Variants in MRC2 observed in about 807,000 individuals in gnomAD.
MRC2 encodes the protein mannose receptor C-type 2.
A neutral mutation model predicts 206.2 loss-of-function variants in MRC2; 84 were observed. That is an observed-to-expected ratio of 0.41 (90% CI 0.34 to 0.49). MRC2 has a LOEUF of 0.49. MRC2 is among the 20% of genes least tolerant of loss of function. MRC2 has a pLI of 0.31. For missense variants in MRC2, 1,676 were observed against 2,001.5 expected (o/e 0.84, Z 3.10); for synonymous variants, 798 against 800.0 (o/e 1.00, Z 0.04).
rs3764869 is a variant in MRC2 at position 62,667,045 on chromosome 17, C to A, written c.973+175C>A. On this transcript the variant is annotated intron_variant, in intron 5 of 29. Transcript: ENST00000303375. The surrounding 1 kb of genome is among the most constrained non-coding windows in gnomAD (Gnocchi z 4.1). ...CTAGCCCATGTAGGGCGGCGCTGCC[C>A]CAGGCCGAAGGTCTTGGTGCATATG... Among the ~76,000 whole-genome samples the A allele has an allele frequency of 0.014, 2,126 of 152,170 alleles. 95 individuals are homozygous for A. Among genetic ancestry groups the A allele is most frequent in the East Asian group, 0.12 (629 of 5,150 alleles).
intron 27 of MRC2, 73 bp from the exon 28 acceptor site, chr17:62,690,876 G>C: frequency 6.7e-7 from 1 of 1,496,262 alleles, no homozygotes; most frequent in South Asian, 1.3e-5. Flanking sequence ...GTCGGTTCTA[G>C]AACACACCTG....
rs750735580 is a variant in MRC2, at chr17:62,675,930, C to T, written c.1685+25C>T. ...GGTACAGCAGGGGCGGGTGCCCTGA[C>T]TAGCCCTTGCCCATGTCTGGGCCTA... On this transcript the variant is annotated intron_variant, in intron 10 of 29. Transcript: ENST00000303375. The surrounding 1 kb of genome is among the most constrained non-coding windows in gnomAD (Gnocchi z 4.1). 1.9e-6 allele frequency: 3 copies of T among 1,594,382 alleles called. No homozygotes were observed. The highest frequency in any genetic ancestry group is 2.2e-5 in the South Asian group (2 of 90,632).
intron 6 of MRC2, among the ~76,000 whole-genome samples, chr17:62,669,406 G>C (rs1324936531): frequency 6.6e-6 from 1 of 152,044 alleles, no homozygotes; most frequent in African/African-American, 2.4e-5. Flanking sequence ...AGTAGAGACG[G>C]GGTTTCACCA....
In MRC2 at chr17:62,678,629, G is replaced by A; in HGVS notation, c.2178G>A (p.Met726Ile). The A allele has an allele frequency of 2.5e-6, 4 of 1,611,896 alleles. No homozygotes were observed. The East Asian group carries it at 6.7e-5, about 27-fold the overall frequency. ...SYEEEHFVANMLNKIFGESEP... is the reference protein window; with the variant it reads ...SYEEEHFVANILNKIFGESEP... ...AGGAGGAGCACTTTGTGGCCAACAT[G>A]CTCAACAAGATCTTCGGGTACTGAG... The change falls in exon 13 of 30, where the codon ATG (methionine) becomes ATA (isoleucine). Residue 726 changes from methionine (M) to isoleucine (I), a missense_variant. Coordinates refer to ENST00000303375, the MANE Select transcript of MRC2 (RefSeq NM_006039.5).
intron 1 of MRC2, among the ~76,000 whole-genome samples, chr17:62,644,543 A>C (rs1386590329): frequency 6.6e-6 from 1 of 152,228 alleles, no homozygotes; most frequent in East Asian, 1.9e-4. Flanking sequence ...TTTACAAAAA[A>C]TAAAAATAAG....
At chr17:62,640,573 G>A (rs1229485514) in intron 1 of MRC2, among the ~76,000 whole-genome samples, 4 of 152,136 alleles carry the variant, frequency 2.6e-5, no homozygotes, top group Non-Finnish European at 5.9e-5. Flanking sequence ...AAGCTGGAAT[G>A]CAATGGTGGG....
chr17:62,679,749 G>A (rs1461227319), intron 13 of MRC2, 51 bp from the exon 14 acceptor site: 1 of 1,575,896 alleles, frequency 6.3e-7, no homozygotes, highest in Non-Finnish European at 8.7e-7. Flanking sequence ...TTGGGTTCCT[G>A]CCCCTCTCAC....
At chr17:62,689,264 G>A (rs187003282) in intron 23 of MRC2, 37 of 585,222 alleles carry the variant, frequency 6.3e-5, no homozygotes, top group African/African-American at 6.1e-4. Context: ...GACACCTCCA[G>A]CTCCATGCGT....
At chr17:62,685,869 G>A (rs924130407) in intron 20 of MRC2, among the ~76,000 whole-genome samples, 1 of 152,184 alleles carries the variant, frequency 6.6e-6, no homozygotes, top group Non-Finnish European at 1.5e-5. Context: ...GTATGCTAGG[G>A]TGTTCACTCC....
In MRC2 at chr17:62,629,811, A is replaced by G. The variant is rs8073861; in HGVS notation, c.118+1891A>G. 5.9e-3 allele frequency among the ~76,000 whole-genome samples: 896 copies of G among 152,308 alleles called. 8 individuals are homozygous for G. Among genetic ancestry groups the G allele is most frequent in the African/African-American group, 0.021 (855 of 41,580 alleles). On this transcript the variant is annotated intron_variant, in intron 1 of 29. Coordinates refer to ENST00000303375, the MANE Select transcript of MRC2 (RefSeq NM_006039.5). ...CACCAGAGACCAAATAGCCCAGGAA[A>G]TGCATGTGGGAGGTAGGGTGTGGCA...
intron 1 of MRC2, among the ~76,000 whole-genome samples, chr17:62,635,020 G>A (rs561363060): frequency 2.0e-5 from 3 of 151,738 alleles, no homozygotes; most frequent in East Asian, 3.9e-4. Context: ...TAGTGGAGAC[G>A]GGGTTTTACC....
At chr17:62,637,979 C>T (rs1002628449) in intron 1 of MRC2, among the ~76,000 whole-genome samples, 2 of 152,236 alleles carry the variant, frequency 1.3e-5, no homozygotes, top group South Asian at 4.1e-4. Context: ...ATTCTTCTGC[C>T]TTAGCTTCCC....
intron 20 of MRC2, among the ~76,000 whole-genome samples, chr17:62,684,914 G>A (rs2089013739): frequency 6.6e-6 from 1 of 152,180 alleles, no homozygotes; most frequent in Admixed American, 6.5e-5. Flanking sequence ...GCCGAGGCGG[G>A]TGGATCACCT....
chr17:62,663,716 G>T (rs905064298), intron 1 of MRC2, among the ~76,000 whole-genome samples: 1 of 152,154 alleles, frequency 6.6e-6, no homozygotes, highest in South Asian at 2.1e-4. Flanking sequence ...ATAGTTCAGG[G>T]GTGGGATGAG....
chr17:62,689,527 T>C lies in MRC2; in HGVS notation c.3340T>C (p.Ser1114Pro), dbSNP rs1174417590. The C allele has an allele frequency of 6.4e-7, 1 of 1,568,390 alleles. No homozygotes were observed. Among genetic ancestry groups the C allele is most frequent in the Admixed American group, 1.7e-5 (1 of 57,228 alleles). Reference protein sequence around the residue: ...GFICQKGTDPSLSPSPAALPP... With the variant: ...GFICQKGTDPPLSPSPAALPP... ...CCCTGACCCCTTCCCTGTAGACCCC[T>C]CCCTGAGCCCGTCCCCAGCAGCGCT... Residue 1114 changes from serine to proline, a missense_variant, in exon 24 of 30, where the codon TCC becomes CCC. This residue lies in a region of MRC2 where 1,354 missense variants were observed against 1,636.6 expected (regional missense o/e 0.83). Transcript: ENST00000303375.
At chr17:62,631,070 G>A (rs747073838) in intron 1 of MRC2, among the ~76,000 whole-genome samples, 5 of 152,048 alleles carry the variant, frequency 3.3e-5, no homozygotes, top group Non-Finnish European at 2.9e-5. Flanking sequence ...CCCATTTTTC[G>A]CACCAGAGAA....
At chr17:62,665,375 A>AGCCTGG (rs1456286489) in intron 2 of MRC2, among the ~76,000 whole-genome samples, 19 of 150,418 alleles carry the variant, frequency 1.3e-4, no homozygotes, top group African/African-American at 4.4e-4. Context: ...TGCACTGTGC[A>AGCCTGG]GCCTGGGTGA....
chr17:62,690,382 A>T (rs1407776618), intron 26 of MRC2, 77 bp downstream of exon 26: 1 of 1,508,856 alleles, frequency 6.6e-7, no homozygotes, highest in Non-Finnish European at 8.9e-7. Context: ...CCATGAGTAC[A>T]TCCCCACACT....
At chr17:62,629,297 C>G (rs2084196957) in intron 1 of MRC2, among the ~76,000 whole-genome samples, 1 of 152,178 alleles carries the variant, frequency 6.6e-6, no homozygotes, top group Admixed American at 6.5e-5. Flanking sequence ...CACTTTAAAG[C>G]CAGGCCCTGG....
Sources: allele counts gnomAD v4.1 joint callset (sites outside exome capture counted in the v4.1 genomes callset), GRCh38; gene constraint gnomAD v4.1.1; regional missense constraint gnomAD v4.1.1; non-coding constraint Gnocchi (gnomAD v3.1); transcripts MANE v1.5; gene names NCBI Gene and HGNC (gene_info 2026-07-23, HGNC 2026-07-21).